LNP1: variants seen among roughly 807,000 people sequenced by gnomAD.
LNP1 encodes the protein leukemia NUP98 fusion partner 1.
Under a neutral mutation model 14.5 loss-of-function variants are expected in LNP1, and 12 were observed. The observed-to-expected ratio is 0.83, with a 90% CI of 0.53 to 1.34. LNP1 has a LOEUF of 1.34. LNP1 is among the 40% of genes most tolerant of loss of function. The pLI is 0.00. For missense variants in LNP1, 198 were observed against 210.9 expected (o/e 0.94, Z 0.38); for synonymous variants, 75 against 71.4 (o/e 1.05, Z -0.26).
intron 1 of LNP1, among the ~76,000 whole-genome samples, chr3:100,410,851 C>A (rs1233024841): frequency 6.6e-6 from 1 of 152,164 alleles, no homozygotes; most frequent in Non-Finnish European, 1.5e-5. Context: ...TTCAGAAATC[C>A]TCAGGGCTGC....
At chr3:100,413,651 C>G (rs570864204) in intron 1 of LNP1, among the ~76,000 whole-genome samples, 2 of 152,292 alleles carry the variant, frequency 1.3e-5, no homozygotes, top group East Asian at 3.9e-4. Flanking sequence ...ATATTACATA[C>G]AGATTATGCT....
intron 1 of LNP1, among the ~76,000 whole-genome samples, chr3:100,426,461 C>T (rs189222462): frequency 6.6e-5 from 10 of 152,320 alleles, no homozygotes; most frequent in African/African-American, 2.4e-4. Flanking sequence ...CGGCTTTGTT[C>T]CAAGTCCAAT....
chr3:100,447,501 T>C (rs1033556892), intron 2 of LNP1, among the ~76,000 whole-genome samples: 1 of 151,758 alleles, frequency 6.6e-6, no homozygotes, highest in Middle Eastern at 3.2e-3. Flanking sequence ...CTAATGTAAA[T>C]GGTGAGTTGA....
chr3:100,429,643 T>G (rs961396482), intron 1 of LNP1, 54 bp from the exon 2 acceptor site: 1 of 1,184,106 alleles, frequency 8.4e-7, no homozygotes, highest in Non-Finnish European at 1.2e-6. Context: ...TTGGGAGAGA[T>G]CCTGGGTTTC....
intron 2 of LNP1, among the ~76,000 whole-genome samples, chr3:100,448,706 T>A (rs1707409940): frequency 1.3e-5 from 2 of 152,234 alleles, no homozygotes; most frequent in African/African-American, 4.8e-5. Flanking sequence ...TCTTTTTTCC[T>A]GATAAAGTAT....
intron 2 of LNP1, among the ~76,000 whole-genome samples, chr3:100,431,655 G>A (rs1441230294): frequency 6.6e-6 from 1 of 151,910 alleles, no homozygotes; most frequent in African/African-American, 2.4e-5. Context: ...ATGTATAAGT[G>A]AATCTATACT....
At position 100,427,320 on chromosome 3, in the gene LNP1, C is replaced by CATCA. The variant is rs1707202765; in HGVS notation, c.-33-2376_-33-2373dup. Among the ~76,000 whole-genome samples the CATCA allele has an allele frequency of 7.2e-5, 11 of 152,272 alleles. No individual in the cohort carries two copies. The South Asian group carries it at 2.3e-3, about 32-fold the overall frequency. On this transcript the variant is annotated intron_variant, in intron 1 of 3. Coordinates refer to ENST00000383693, the MANE Select transcript of LNP1 (RefSeq NM_001085451.2). ...TAGAGGAGAGAACAAAACCCAAAGG[C>CATCA]ATCAGCCAGGCTGCACTTTTTAATC...
intron 2 of LNP1, among the ~76,000 whole-genome samples, chr3:100,440,386 A>G (rs950110887): frequency 2.6e-5 from 4 of 152,082 alleles, no homozygotes; most frequent in African/African-American, 9.7e-5. Flanking sequence ...TCTTTTTTAC[A>G]TCTTCTTGGA....
At chr3:100,409,091 G>T (rs1476383695) in intron 1 of LNP1, among the ~76,000 whole-genome samples, 4 of 152,156 alleles carry the variant, frequency 2.6e-5, no homozygotes, top group Non-Finnish European at 4.4e-5. Context: ...AAAGCAGATT[G>T]CCCTCAGTGT....
At chr3:100,416,615 G>T (rs956674014) in intron 1 of LNP1, among the ~76,000 whole-genome samples, 8 of 149,878 alleles carry the variant, frequency 5.3e-5, no homozygotes, top group Non-Finnish European at 1.2e-4. Context: ...GTGTGTGTGT[G>T]TGTGTGTGTG....
chr3:100,436,821 T>C (rs1473091303), intron 2 of LNP1, among the ~76,000 whole-genome samples: 2 of 152,146 alleles, frequency 1.3e-5, no homozygotes, highest in Non-Finnish European at 2.9e-5. Context: ...TAGGGTTAGA[T>C]GAGTTCATGA....
In LNP1 at chr3:100,451,831, A is replaced by C; in HGVS notation, c.269A>C (p.Glu90Ala). Residue 90 changes from glutamate (E) to alanine (A), a missense_variant, in exon 3 of 4, where the codon GAG becomes GCG. Transcript: ENST00000383693. ...SHVRDYRKYS[E>A]DGSFKEPLES... ...GTACGGGATTACAGAAAATACTCAG[A>C]GGATGGGTCATTCAAGGAGCCACTG... 6.2e-7 allele frequency: 1 copy of C among 1,613,882 alleles called. No homozygotes were observed. The highest frequency in any genetic ancestry group is 8.5e-7 in the Non-Finnish European group (1 of 1,179,702).
chr3:100,419,459 C>G (rs572738464), intron 1 of LNP1, among the ~76,000 whole-genome samples: 1 of 152,178 alleles, frequency 6.6e-6, no homozygotes, highest in East Asian at 1.9e-4. Flanking sequence ...ATCCATATAA[C>G]TTACTCAAAT....
At chr3:100,417,376 T>A (rs915932968) in intron 1 of LNP1, among the ~76,000 whole-genome samples, 3 of 124,590 alleles carry the variant, frequency 2.4e-5, no homozygotes, top group African/African-American at 1.1e-4. Flanking sequence ...TTTTTCTTTT[T>A]TTTTTTTTTT....
chr3:100,407,715 G>C (rs533196725), intron 1 of LNP1, among the ~76,000 whole-genome samples: 1 of 152,222 alleles, frequency 6.6e-6, no homozygotes, highest in East Asian at 1.9e-4. Context: ...CCTCTTGAAT[G>C]CTGGTAATTT....
At chr3:100,430,283 C>T (rs1402501733) in intron 2 of LNP1, among the ~76,000 whole-genome samples, 1 of 152,200 alleles carries the variant, frequency 6.6e-6, no homozygotes, top group Non-Finnish European at 1.5e-5. Flanking sequence ...CTTTGGTAGA[C>T]CTTCTAAGGA....
At chr3:100,436,352 A>G (rs773920510) in intron 2 of LNP1, among the ~76,000 whole-genome samples, 2 of 152,194 alleles carry the variant, frequency 1.3e-5, no homozygotes, top group South Asian at 4.1e-4. Flanking sequence ...CCATCCCGTC[A>G]TGGCTCAGAA....
intron 1 of LNP1, among the ~76,000 whole-genome samples, chr3:100,404,065 A>AG (rs1450953470): frequency 1.2e-4 from 19 of 152,198 alleles, no homozygotes; most frequent in Admixed American, 2.6e-4. Context: ...TTACTGAAAA[A>AG]TTACTGAAAA....
chr3:100,414,616 T>G (rs1707063771), intron 1 of LNP1, among the ~76,000 whole-genome samples: 1 of 151,708 alleles, frequency 6.6e-6, no homozygotes, highest in African/African-American at 2.4e-5. Flanking sequence ...AGAGAGCCCC[T>G]CAGAGAGGTC....
Sources: allele counts gnomAD v4.1 joint callset (sites outside exome capture counted in the v4.1 genomes callset), GRCh38; gene constraint gnomAD v4.1.1; transcripts MANE v1.5; gene names NCBI Gene and HGNC (gene_info 2026-07-23, HGNC 2026-07-21).